The following SNX8 variants were observed in gnomAD, a reference collection of about 807,000 sequenced individuals.
SNX8 encodes the protein sorting nexin 8, also known as sorting nexin-8.
Under a neutral mutation model 51.6 loss-of-function variants are expected in SNX8, and 25 were observed. That is an observed-to-expected ratio of 0.48 (90% confidence interval 0.35 to 0.68). The LOEUF (loss-of-function observed/expected upper bound fraction) is 0.68. Among genes scored for constraint, SNX8 ranks in the 30% least tolerant of loss-of-function variants. The pLI is 0.00. For synonymous variants in SNX8, 324 were observed against 277.0 expected, an observed-to-expected ratio of 1.17 and a Z score of -1.68; for missense variants, 695 against 624.0, an observed-to-expected ratio of 1.11 and a Z score of -1.21.
At chr7:2,314,707 A>G (rs34519622), upstream of SNX8, among the ~76,000 whole-genome samples, 132,562 of 152,204 alleles carry the variant, frequency 0.87, 58,066 homozygotes, top group African/African-American at 0.97. Flanking sequence ...CAGGTGCACT[A>G]CCTCAGGCGC....
chr7:2,263,850 T>C (rs1795397828), intron 6 of SNX8, among the ~76,000 whole-genome samples: 1 of 152,114 alleles, frequency 6.6e-6, no homozygotes, highest in Admixed American at 6.6e-5. Flanking sequence ...GTAGCTGAGA[T>C]GACAGGCACC....
At chr7:2,290,452 C>T (rs368226129) in intron 1 of SNX8, among the ~76,000 whole-genome samples, 65 of 151,572 alleles carry the variant, frequency 4.3e-4, no homozygotes, top group African/African-American at 1.5e-3. Context: ...TGCAGTGAGC[C>T]GAGATCACAC....
At chr7:2,348,778 T>C (rs1375155500) in intron 1 of SNX8, among the ~76,000 whole-genome samples, 5 of 150,782 alleles carry the variant, frequency 3.3e-5, no homozygotes, top group Non-Finnish European at 1.5e-5. Context: ...AAACCCCATC[T>C]CCACTAAAAA....
intron 5 of SNX8, among the ~76,000 whole-genome samples, chr7:2,265,093 G>A (rs185995142): frequency 1.8e-4 from 27 of 152,060 alleles, no homozygotes; most frequent in Admixed American, 1.4e-3. Context: ...AGTGGCTCAC[G>A]CCTGTAATCC....
intron 1 of SNX8, among the ~76,000 whole-genome samples, chr7:2,329,186 G>A (rs1288696558): frequency 2.6e-5 from 4 of 151,024 alleles, no homozygotes; most frequent in African/African-American, 4.9e-5. Flanking sequence ...CAGGAGAATC[G>A]CTTGAACCCA....
chr7:2,261,261 C>G (rs963484488), intron 7 of SNX8, among the ~76,000 whole-genome samples: 1 of 152,152 alleles, frequency 6.6e-6, no homozygotes, highest in Non-Finnish European at 1.5e-5. Context: ...GGTGAAACCC[C>G]ATCTCTACTA....
At chr7:2,345,959 C>G (rs996782492) in intron 1 of SNX8, among the ~76,000 whole-genome samples, 1 of 151,924 alleles carries the variant, frequency 6.6e-6, no homozygotes, top group Non-Finnish European at 1.5e-5. Flanking sequence ...AGGCACCCAC[C>G]ACCACTCCCA....
At chr7:2,308,909 C>T (rs1796606364) in intron 1 of SNX8, among the ~76,000 whole-genome samples, 1 of 151,602 alleles carries the variant, frequency 6.6e-6, no homozygotes, top group Non-Finnish European at 1.5e-5. Flanking sequence ...CCCACCTCAG[C>T]CTCCCGAGTA....
intron 1 of SNX8, among the ~76,000 whole-genome samples, chr7:2,339,079 TA>T: frequency 6.6e-6 from 1 of 152,104 alleles, no homozygotes; most frequent in Non-Finnish European, 1.5e-5. Context: ...ACCTGTTTTT[TA>T]AAAATTATTT....
intron 1 of SNX8, among the ~76,000 whole-genome samples, chr7:2,342,519 G>A (rs866839333): frequency 1.3e-5 from 2 of 152,032 alleles, no homozygotes; most frequent in Middle Eastern, 6.9e-3. Flanking sequence ...GCCGGACGCA[G>A]TGGTGCGGGG....
chr7:2,304,169 A>C (rs2115191303), intron 1 of SNX8, among the ~76,000 whole-genome samples: 1 of 147,928 alleles, frequency 6.8e-6, no homozygotes, highest in East Asian at 2.0e-4. Flanking sequence ...TCCGTCTCAA[A>C]AAAAAAAAAA....
intron 1 of SNX8, among the ~76,000 whole-genome samples, chr7:2,301,143 C>T (rs1796381565): frequency 6.6e-6 from 1 of 152,204 alleles, no homozygotes; most frequent in Non-Finnish European, 1.5e-5. Flanking sequence ...TGAGAAAGGT[C>T]TGTGCAACTA....
intron 1 of SNX8, among the ~76,000 whole-genome samples, chr7:2,338,603 C>T (rs900341890): frequency 2.0e-5 from 3 of 151,952 alleles, no homozygotes; most frequent in Non-Finnish European, 4.4e-5. Context: ...CTCTGCACTC[C>T]AGCCTGGGCG....
Position 2,254,864 on chromosome 7 carries a change from A to T in SNX8, c.*192T>A, listed in dbSNP as rs114247182. The T allele has an allele frequency of 9.0e-4, 553 of 614,420 alleles. 6 individuals carry two copies. In the African/African-American group the frequency reaches 9.0e-3, roughly 10 times the overall value. 38.1% of individuals were successfully genotyped at this position (614,420 alleles called of 1,614,324 possible). A position where few individuals can be genotyped will look rare whatever the true frequency, so the allele number is the denominator to read the frequency against. On this transcript the variant is annotated 3_prime_UTR_variant, in exon 11 of 11. Transcript: ENST00000222990. Reference sequence around the variant, plus strand: ...AGGCTAGCAGGCCACAGGGCGAAGGACAGTGTGGCCCAGCTGCCCCCATGG... The same window carrying T: ...AGGCTAGCAGGCCACAGGGCGAAGGTCAGTGTGGCCCAGCTGCCCCCATGG...
intron 1 of SNX8, among the ~76,000 whole-genome samples, chr7:2,321,848 C>T (rs12699834): frequency 0.41 from 62,241 of 151,012 alleles, 15,671 homozygotes; most frequent in Non-Finnish European, 0.55. Context: ...CTCAGCCTCC[C>T]GAGTAGCTGG....
chr7:2,310,724 T>A (rs1796642398), intron 1 of SNX8, among the ~76,000 whole-genome samples: 1 of 151,474 alleles, frequency 6.6e-6, no homozygotes, highest in African/African-American at 2.4e-5. Context: ...TGAGCCAAGA[T>A]CGCACCACTG....
At chr7:2,263,891 A>G (rs1300976369) in intron 6 of SNX8, among the ~76,000 whole-genome samples, 2 of 151,578 alleles carry the variant, frequency 1.3e-5, no homozygotes, top group Non-Finnish European at 2.9e-5. Flanking sequence ...TTTTTTTTGT[A>G]TTTTTAGTAG....
At chr7:2,350,859 C>G (rs958015153) in intron 1 of SNX8, among the ~76,000 whole-genome samples, 3 of 152,018 alleles carry the variant, frequency 2.0e-5, no homozygotes, top group Non-Finnish European at 4.4e-5. Flanking sequence ...GTTGGCCAGG[C>G]TAGTCTTGAA....
At chr7:2,264,703 T>A (rs1194016396) in intron 5 of SNX8, among the ~76,000 whole-genome samples, 4 of 151,728 alleles carry the variant, frequency 2.6e-5, no homozygotes, top group African/African-American at 4.8e-5. Flanking sequence ...GACCACAGAG[T>A]CCACTGAAAT....
Sources: allele counts gnomAD v4.1 joint callset (sites outside exome capture counted in the v4.1 genomes callset), GRCh38; gene constraint gnomAD v4.1.1; transcripts MANE v1.5; gene names NCBI Gene and HGNC (gene_info 2026-07-23, HGNC 2026-07-21).